Variants in SPATA45 observed in about 807,000 individuals in gnomAD.
SPATA45 encodes the protein spermatogenesis associated 45, also known as spermatogenesis-associated protein 45.
Under a neutral mutation model 7.0 loss-of-function variants are expected in SPATA45, and 5 were observed. The ratio of observed to expected loss-of-function variants is 0.71; its 90% CI spans 0.37 to 1.50. The LOEUF is 1.50. Among genes scored for constraint, SPATA45 ranks in the 40% most tolerant of loss-of-function variants. The pLI, the probability that SPATA45 is intolerant of heterozygous loss-of-function variation, is 0.03. For synonymous variants in SPATA45, 40 were observed against 38.7 expected, an observed-to-expected ratio of 1.03 and a Z score of -0.13; for missense variants, 111 against 114.9, an observed-to-expected ratio of 0.97 and a Z score of 0.16.
At chr1:212,844,965 C>T (rs984905837) in intron 1 of SPATA45, among the ~76,000 whole-genome samples, 2 of 151,958 alleles carry the variant, frequency 1.3e-5, no homozygotes, top group African/African-American at 4.8e-5. Flanking sequence ...AACTTCTGTC[C>T]CTCATGGCCA....
chr1:212,841,150 A>G (rs1276980241), intron 1 of SPATA45, among the ~76,000 whole-genome samples: 2 of 149,346 alleles, frequency 1.3e-5, no homozygotes, highest in African/African-American at 5.0e-5. Context: ...GGGAGACACC[A>G]TCTTTCCTTT....
rs999308198 is a variant in SPATA45 at position 212,830,183 on chromosome 1, T to C, written c.*59A>G. On this transcript the variant is annotated 3_prime_UTR_variant, in exon 3 of 3. Coordinates refer to ENST00000332912, the MANE Select transcript of SPATA45 (RefSeq NM_001024601.3). The stretch of plus-strand genomic sequence containing the variant: ...TATAATTAATAATTTGTAAATAATT[T>C]AGACACACTGAAGAAGAATCAAAGA... 1.4e-5 allele frequency: 17 copies of C among 1,234,570 alleles called. No homozygotes were observed. The Admixed American group carries it at 1.7e-4, about 12-fold the overall frequency. The allele number at this position is 1,234,570 out of a possible 1,614,324, so 76.5% of individuals were successfully genotyped here.
intron 1 of SPATA45, among the ~76,000 whole-genome samples, chr1:212,840,477 A>G (rs997048945): frequency 6.6e-6 from 1 of 152,152 alleles, no homozygotes; most frequent in African/African-American, 2.4e-5. Flanking sequence ...TGTTTTTTTG[A>G]GACAGAGTCT....
At chr1:212,841,818 C>T (rs917543979) in intron 1 of SPATA45, among the ~76,000 whole-genome samples, 3 of 151,936 alleles carry the variant, frequency 2.0e-5, no homozygotes, top group African/African-American at 7.2e-5. Context: ...AGTGCAGTGG[C>T]GTGATCTTGG....
chr1:212,842,143 C>T (rs1294211261), intron 1 of SPATA45, among the ~76,000 whole-genome samples: 6 of 151,110 alleles, frequency 4.0e-5, no homozygotes, highest in Non-Finnish European at 8.9e-5. Flanking sequence ...TTTGGGAGGC[C>T]GAGGCGGGTG....
intron 1 of SPATA45, among the ~76,000 whole-genome samples, chr1:212,842,506 C>G (rs914812033): frequency 3.3e-5 from 5 of 152,158 alleles, no homozygotes; most frequent in African/African-American, 1.2e-4. Context: ...AGTTACCTGA[C>G]AACTGGAGCT....
At chr1:212,837,059 T>G (rs1031292633) in intron 1 of SPATA45, among the ~76,000 whole-genome samples, 12 of 148,458 alleles carry the variant, frequency 8.1e-5, no homozygotes, top group Non-Finnish European at 1.8e-4. Flanking sequence ...GAGGATATAT[T>G]ATTGTTTTTT....
chr1:212,837,446 A>G (rs1283885057), intron 1 of SPATA45, among the ~76,000 whole-genome samples: 1 of 151,106 alleles, frequency 6.6e-6, no homozygotes, highest in African/African-American at 2.4e-5. Flanking sequence ...AGCCTGGCCA[A>G]CATAGTGAAA....
Position 212,836,128 on chromosome 1 carries a change from T to G in SPATA45, c.22A>C (p.Ile8Leu), listed in dbSNP as rs1036069070. Reference protein sequence around the residue: MASINRTIEIMKKHGVSK... With the variant: MASINRTLEIMKKHGVSK... ...ACTCCATGTTTTTTCATTATTTCAATGGTTCTGTTTATAGATGCCATTATG... is the reference window on the plus strand; with the variant it reads ...ACTCCATGTTTTTTCATTATTTCAAGGGTTCTGTTTATAGATGCCATTATG... The change falls in exon 2 of 3, where the codon ATT becomes CTT. Residue 8 changes from isoleucine to leucine, a missense_variant. Coordinates refer to ENST00000332912, the MANE Select transcript of SPATA45 (RefSeq NM_001024601.3). 4 of 1,604,268 alleles carry G rather than the reference T, an allele frequency of 2.5e-6. No homozygotes were observed. Among genetic ancestry groups the G allele is most frequent in the Non-Finnish European group, 3.4e-6 (4 of 1,171,794 alleles).
chr1:212,834,539 C>T (rs1055624436), intron 2 of SPATA45, among the ~76,000 whole-genome samples: 1 of 151,278 alleles, frequency 6.6e-6, no homozygotes, highest in Admixed American at 6.6e-5. Context: ...CAACCTCCAC[C>T]TCTGGGATTC....
intron 2 of SPATA45, among the ~76,000 whole-genome samples, chr1:212,832,314 A>AT (rs1209528094): frequency 2.2e-5 from 2 of 92,412 alleles, no homozygotes; most frequent in African/African-American, 4.4e-5. Context: ...GAAATGTACT[A>AT]TTTTTTAACT....
intron 1 of SPATA45, among the ~76,000 whole-genome samples, chr1:212,842,845 T>C (rs990321580): frequency 1.3e-5 from 2 of 151,702 alleles, no homozygotes; most frequent in Admixed American, 6.6e-5. Context: ...TCCCAGCATG[T>C]TGGGAGGCCG....
chr1:212,843,095 A>AC (rs1491428768), intron 1 of SPATA45, among the ~76,000 whole-genome samples: 2 of 110,978 alleles, frequency 1.8e-5, no homozygotes, highest in Non-Finnish European at 3.8e-5. Context: ...AGACTCCGTC[A>AC]AACATACACA....
At chr1:212,835,075 C>G (rs1165423635) in intron 2 of SPATA45, among the ~76,000 whole-genome samples, 5 of 151,582 alleles carry the variant, frequency 3.3e-5, no homozygotes, top group Non-Finnish European at 7.4e-5. Context: ...TATAATAGAT[C>G]TTACAATCCA....
intron 1 of SPATA45, among the ~76,000 whole-genome samples, chr1:212,843,100 TACAC>T (rs367648433): frequency 0.1 from 12,769 of 121,870 alleles, 752 homozygotes; most frequent in African/African-American, 0.19. Context: ...CCGTCAAACA[TACAC>T]ACACACACAC....
intron 1 of SPATA45, among the ~76,000 whole-genome samples, chr1:212,840,615 TC>T (rs1304375803): frequency 6.6e-6 from 1 of 151,310 alleles, no homozygotes; most frequent in Non-Finnish European, 1.5e-5. Context: ...GCCACCGCCC[TC>T]GCCTGTTTTG....
At position 212,835,855 on chromosome 1, in the gene SPATA45, C is replaced by A. The variant is rs567112618; in HGVS notation, c.277+18G>T. On this transcript the variant is annotated intron_variant, in intron 2 of 2. Coordinates refer to ENST00000332912, the MANE Select transcript of SPATA45 (RefSeq NM_001024601.3). ...CCATCTCAAAAAAAAAAAAAAAAAT[C>A]CTATGATAACTTCTTACTTTTTGGT... 9 of 1,551,908 alleles carry A rather than the reference C, an allele frequency of 5.8e-6. No individual in the cohort carries two copies. The South Asian group carries it at 9.7e-5, about 17-fold the overall frequency.
At chr1:212,840,619 C>CTGTTT (rs1231502493) in intron 1 of SPATA45, among the ~76,000 whole-genome samples, 1 of 151,464 alleles carries the variant, frequency 6.6e-6, no homozygotes, top group Non-Finnish European at 1.5e-5. Flanking sequence ...CCGCCCTCGC[C>CTGTTT]TGTTTTGTTT....
chr1:212,834,466 T>C (rs540282294), intron 2 of SPATA45, among the ~76,000 whole-genome samples: 1 of 151,236 alleles, frequency 6.6e-6, no homozygotes, highest in African/African-American at 2.4e-5. Context: ...TTTTTTTTTT[T>C]TTGAGAAGGA....
Sources: allele counts gnomAD v4.1 joint callset (sites outside exome capture counted in the v4.1 genomes callset), GRCh38; gene constraint gnomAD v4.1.1; transcripts MANE v1.5; gene names NCBI Gene and HGNC (gene_info 2026-07-23, HGNC 2026-07-21).